Variants in SOBP observed in about 807,000 individuals in gnomAD.
The protein encoded by SOBP is sine oculis-binding protein homolog.
A neutral mutation model predicts 53.6 loss-of-function variants in SOBP; 4 were observed. The observed-to-expected ratio is 0.07, with a 90% CI of 0.04 to 0.17. The LOEUF (loss-of-function observed/expected upper bound fraction) is 0.17, where lower values mean the gene tolerates loss of function less well. Among genes scored for constraint, SOBP ranks in the 10% least tolerant of loss-of-function variants. The probability of loss-of-function intolerance (pLI) is 1.00; values close to 1 mark genes in which losing one functional copy is unlikely to be tolerated. For missense variants in SOBP, 1,088 were observed against 1,204.7 expected, an observed-to-expected ratio of 0.90 and a Z score of 1.43; for synonymous variants, 584 against 522.6, an observed-to-expected ratio of 1.12 and a Z score of -1.60.
At chr6:107,583,569 A>G (rs1785470690) in intron 4 of SOBP, among the ~76,000 whole-genome samples, 1 of 152,152 alleles carries the variant, frequency 6.6e-6, no homozygotes. Context: ...TCTGTTGCCC[A>G]TGCTGGAGTG....
At chr6:107,543,148 T>C (rs1169204244) in intron 4 of SOBP, among the ~76,000 whole-genome samples, 3 of 152,190 alleles carry the variant, frequency 2.0e-5, no homozygotes, top group Non-Finnish European at 4.4e-5. Context: ...CAATAAAAGA[T>C]ATCATTTGGA....
chr6:107,578,208 T>C (rs1039589625), intron 4 of SOBP, among the ~76,000 whole-genome samples: 1 of 152,156 alleles, frequency 6.6e-6, no homozygotes, highest in East Asian at 1.9e-4. Context: ...TTGGGCTCTT[T>C]GCAGACTGCC....
chr6:107,614,399 G>GT (rs1786706308), intron 5 of SOBP, among the ~76,000 whole-genome samples: 1 of 152,116 alleles, frequency 6.6e-6, no homozygotes, highest in African/African-American at 2.4e-5. Flanking sequence ...GACAGTAGGA[G>GT]TAACTGAAGA....
intron 6 of SOBP, among the ~76,000 whole-genome samples, chr6:107,654,724 A>G (rs1771945048): frequency 6.6e-6 from 1 of 152,148 alleles, no homozygotes; most frequent in Non-Finnish European, 1.5e-5. Flanking sequence ...CAGTGGAAGA[A>G]TCGAGGCTCT....
intron 6 of SOBP, among the ~76,000 whole-genome samples, chr6:107,636,544 C>T (rs1411910339): frequency 2.6e-5 from 4 of 152,216 alleles, no homozygotes; most frequent in Admixed American, 2.0e-4. Flanking sequence ...GGACACAGCC[C>T]AAGCTCTCCC....
chr6:107,591,432 G>A (rs1488095880), intron 5 of SOBP, among the ~76,000 whole-genome samples: 1 of 152,196 alleles, frequency 6.6e-6, no homozygotes, highest in Admixed American at 6.5e-5. Context: ...GATTGTTTCT[G>A]TATGCAGTCA....
rs538640788 is a variant in SOBP, at chr6:107,494,258, C to G, written c.96+3546C>G. 3.9e-5 allele frequency among the ~76,000 whole-genome samples: 6 copies of G among 152,270 alleles called. No homozygotes were observed. The East Asian group carries it at 1.2e-3, about 29-fold the overall frequency. Reference sequence around the variant, plus strand: ...TGTGATTGTGTCTAATGTAATATGTCTCAGGTATACTGTTAGCTCACATAT... The same window carrying G: ...TGTGATTGTGTCTAATGTAATATGTGTCAGGTATACTGTTAGCTCACATAT... On this transcript the variant is annotated intron_variant, in intron 1 of 6. Transcript: ENST00000317357.
chr6:107,649,408 T>C (rs113495051), intron 6 of SOBP, among the ~76,000 whole-genome samples: 23 of 151,554 alleles, frequency 1.5e-4, no homozygotes, highest in African/African-American at 5.3e-4. Flanking sequence ...GCCCAAGAGG[T>C]TGAGGCTGCA....
chr6:107,527,569 A>C (rs1783699168), intron 3 of SOBP, among the ~76,000 whole-genome samples: 1 of 152,172 alleles, frequency 6.6e-6, no homozygotes, highest in South Asian at 2.1e-4. Context: ...AGGCTCATTT[A>C]CATATAGAAT....
At chr6:107,562,455 G>C (rs573873175) in intron 4 of SOBP, among the ~76,000 whole-genome samples, 28 of 152,336 alleles carry the variant, frequency 1.8e-4, no homozygotes, top group African/African-American at 6.7e-4. Context: ...ATGAGACTAT[G>C]GGCGGCAGCA....
chr6:107,577,112 G>A (rs975147264), intron 4 of SOBP, among the ~76,000 whole-genome samples: 9 of 152,118 alleles, frequency 5.9e-5, no homozygotes, highest in South Asian at 2.1e-4. Context: ...GCATCCTTTC[G>A]CATGTTTTCT....
intron 1 of SOBP, among the ~76,000 whole-genome samples, chr6:107,495,681 TA>T (rs1224557636): frequency 6.6e-6 from 1 of 151,898 alleles, no homozygotes; most frequent in African/African-American, 2.4e-5. Flanking sequence ...TAAAGGAAAG[TA>T]AAAAACAGGG....
chr6:107,579,730 G>A (rs145405387), intron 4 of SOBP, among the ~76,000 whole-genome samples: 2,542 of 152,252 alleles, frequency 0.017, 40 homozygotes, highest in South Asian at 0.033. Context: ...AACATGATTC[G>A]ATTCCCATTA....
chr6:107,604,534 C>G (rs1182886645), intron 5 of SOBP, among the ~76,000 whole-genome samples: 1 of 151,012 alleles, frequency 6.6e-6, no homozygotes, highest in Non-Finnish European at 1.5e-5. Flanking sequence ...CCTACACCCT[C>G]TATCCCACCT....
At chr6:107,526,477 C>T (rs895670062) in intron 3 of SOBP, among the ~76,000 whole-genome samples, 2 of 152,182 alleles carry the variant, frequency 1.3e-5, no homozygotes, top group East Asian at 3.9e-4. Context: ...TCCTGCAGTT[C>T]CACTGTCCTT....
In SOBP at chr6:107,602,568, T is replaced by TAAA. The variant is rs71810335; in HGVS notation, c.669+15410_669+15412dup. Among the ~76,000 whole-genome samples the TAAA allele has an allele frequency of 6.0e-4, 62 of 102,778 alleles. 1 individual carries two copies. The highest frequency in any genetic ancestry group is 5.4e-3 in the Middle Eastern group (1 of 184). The allele number at this position is 102,778 out of a possible 152,430, so 67.4% of individuals were successfully genotyped here. A position where few individuals can be genotyped will look rare whatever the true frequency, so the allele number is the denominator to read the frequency against. On this transcript the variant is annotated intron_variant, in intron 5 of 6. Transcript: ENST00000317357. ...CCTCTGCATAGCAACTAAGCCGCGT[T>TAAA]AAAAAAAAAAAAAAAAAAAGGAAAG...
At chr6:107,606,014 AC>A (rs1181284033) in intron 5 of SOBP, among the ~76,000 whole-genome samples, 1 of 140,582 alleles carries the variant, frequency 7.1e-6, no homozygotes, top group African/African-American at 2.7e-5. Flanking sequence ...ACATTCACAC[AC>A]CCCCAAACTC....
At chr6:107,599,143 G>C (rs1786058008) in intron 5 of SOBP, among the ~76,000 whole-genome samples, 1 of 152,086 alleles carries the variant, frequency 6.6e-6, no homozygotes, top group Non-Finnish European at 1.5e-5. Context: ...ACACTTCCTG[G>C]CTATGTGGGT....
intron 5 of SOBP, among the ~76,000 whole-genome samples, chr6:107,615,995 C>G (rs1786768214): frequency 6.9e-6 from 1 of 145,892 alleles, no homozygotes; most frequent in Non-Finnish European, 1.5e-5. Flanking sequence ...GCACTCCAGC[C>G]TGGGGTGACA....
Sources: gnomAD v4.1 joint callset for allele counts (sites outside exome capture counted in the v4.1 genomes callset) on GRCh38, gnomAD v4.1.1 for gene constraint, MANE v1.5 for transcripts, NCBI Gene and HGNC (gene_info 2026-07-23, HGNC 2026-07-21) for gene names.